The following LRRC4 variants were observed in gnomAD, a reference collection of about 807,000 sequenced individuals.
LRRC4 encodes the protein leucine rich repeat containing 4, also known as leucine-rich repeat-containing protein 4.
LRRC4 carries 11 observed loss-of-function variants against 37.9 expected under a neutral mutation model. The observed-to-expected ratio is 0.29, with a 90% CI of 0.18 to 0.48. The LOEUF is 0.48. Ranked by LOEUF, LRRC4 falls within the 20% of genes least tolerant of loss-of-function variation. LRRC4 has a pLI of 0.99. For synonymous variants in LRRC4, 404 were observed against 346.7 expected, an observed-to-expected ratio of 1.17 and a Z score of -1.84; for missense variants, 717 against 842.1, an observed-to-expected ratio of 0.85 and a Z score of 1.84.
Position 128,029,143 on chromosome 7 carries a change from C to T in LRRC4, c.1498G>A (p.Val500Met), listed in dbSNP as rs1563093886. 6.2e-7 allele frequency: 1 copy of T among 1,614,060 alleles called. No individual in the cohort carries two copies. The highest frequency in any genetic ancestry group is 2.2e-5 in the East Asian group (1 of 44,874). The change falls in exon 2 of 2, where the codon GTG becomes ATG. Residue 500 changes from valine to methionine, a missense_variant. By Grantham distance (21) the Val-to-Met change is conservative. This residue lies in a region of LRRC4 where 293 missense variants were observed against 268.3 expected (regional missense o/e 1.09). Coordinates refer to ENST00000249363, the MANE Select transcript of LRRC4 (RefSeq NM_022143.5). The surrounding 1 kb of genome is among the most constrained non-coding windows in gnomAD (Gnocchi z 4.2). ...GCGGGTACTGCCACCTGCTTGGGCA[C>T]ACGGGTAGTCTGAATGAGCACCGTG... ...STTVLIQTTRVPKQVAVPATD... is the reference protein window; with the variant it reads ...STTVLIQTTRMPKQVAVPATD...
rs1803505069 is a variant in LRRC4, at chr7:128,027,335, C to T, written c.*1344G>A. ...GAGGGGGCCTGGGAGAGGGAAGCTT[C>T]CCATCAGTGTGCTCCATTCAACAGT... On this transcript the variant is annotated 3_prime_UTR_variant, in exon 2 of 2. Coordinates refer to ENST00000249363, the MANE Select transcript of LRRC4 (RefSeq NM_022143.5). The T allele has an allele frequency of 6.8e-6, 1 of 147,420 alleles. No individual in the cohort carries two copies. The highest frequency in any genetic ancestry group is 2.2e-4 in the East Asian group (1 of 4,496). 9.1% of individuals were successfully genotyped at this position (147,420 alleles called of 1,614,324 possible). A position where few individuals can be genotyped will look rare whatever the true frequency, so the allele number is the denominator to read the frequency against.
In LRRC4 at chr7:128,030,765, C is replaced by A. The variant is rs1164532202; in HGVS notation, c.-100-25G>T. ...TCTGGAGAAGGAGGTGGGGAGGGGG[C>A]GATTAGAGAGACGGAGCGGATCGGC... On this transcript the variant is annotated intron_variant, in intron 1 of 1. Coordinates refer to ENST00000249363, the MANE Select transcript of LRRC4 (RefSeq NM_022143.5). The A allele has an allele frequency of 6.4e-6, 8 of 1,242,820 alleles. No individual in the cohort carries two copies. In the East Asian group the frequency reaches 2.0e-4, roughly 32 times the overall value. The allele number at this position is 1,242,820 out of a possible 1,614,324, so 77.0% of individuals were successfully genotyped here.
chr7:128,030,159 C>T lies in LRRC4; in HGVS notation c.482G>A (p.Ser161Asn). 1.2e-6 allele frequency: 2 copies of T among 1,614,236 alleles called. No homozygotes were observed. Among genetic ancestry groups the T allele is most frequent in the South Asian group, 1.1e-5 (1 of 91,086 alleles). ...CCGGTTGAAGGCGTAAGAGGGGATG[C>T]TTTCGATGGGGTTGTTGCGAAGCCA... ...ELWLRNNPIE[S>N]IPSYAFNRVP... Residue 161 changes from serine to asparagine, a missense_variant, in exon 2 of 2, where the codon AGC becomes AAC. Physicochemically the swap from Ser to Asn is conservative, Grantham distance 46 (BLOSUM62 1). Coordinates refer to ENST00000249363, the MANE Select transcript of LRRC4 (RefSeq NM_022143.5).
In LRRC4 at chr7:128,030,756, G is replaced by C; in HGVS notation, c.-100-16C>G. On this transcript the variant is annotated splice_polypyrimidine_tract_variant and intron_variant, in intron 1 of 1. Coordinates refer to ENST00000249363, the MANE Select transcript of LRRC4 (RefSeq NM_022143.5). ...CTCTTTCCATCTGGAGAAGGAGGTG[G>C]GGAGGGGGCGATTAGAGAGACGGAG... 7.6e-7 allele frequency: 1 copy of C among 1,310,834 alleles called. No homozygotes were observed. The highest frequency in any genetic ancestry group is 1.5e-5 in the African/African-American group (1 of 67,330). 81.2% of individuals were successfully genotyped at this position (1,310,834 alleles called of 1,614,324 possible). A position where few individuals can be genotyped will look rare whatever the true frequency, so the allele number is the denominator to read the frequency against.
In LRRC4 at chr7:128,028,485, T is replaced by A; in HGVS notation, c.*194A>T. ...AAGATTCCCCCCCACCCCCTTTAAA[T>A]AGAACTTACAAGTTAGAAAATATTT... On this transcript the variant is annotated 3_prime_UTR_variant, in exon 2 of 2. Transcript: ENST00000249363. 2.1e-5 allele frequency: 11 copies of A among 519,254 alleles called. No individual in the cohort carries two copies. The highest frequency in any genetic ancestry group is 3.6e-5 in the East Asian group (1 of 28,134). 32.2% of individuals were successfully genotyped at this position (519,254 alleles called of 1,614,324 possible).
In LRRC4 at chr7:128,028,917, A is replaced by C. The variant is rs1011503971; in HGVS notation, c.1724T>G (p.Ile575Ser). ...TGCTGCTGCGGATGTTGCTGCTGGGATGTCTTCGTCCACCTGGATTATCTC... is the reference window on the plus strand; with the variant it reads ...TGCTGCTGCGGATGTTGCTGCTGGGCTGTCTTCGTCCACCTGGATTATCTC... ...TVEIIQVDEDIPAATSAAATA... is the reference protein window; with the variant it reads ...TVEIIQVDEDSPAATSAAATA... Residue 575 changes from isoleucine to serine, a missense_variant, in exon 2 of 2, where the codon ATC becomes AGC. Physicochemically the swap from Ile to Ser is moderately radical, Grantham distance 142. Coordinates refer to ENST00000249363, the MANE Select transcript of LRRC4 (RefSeq NM_022143.5). The C allele has an allele frequency of 2.5e-6, 4 of 1,612,098 alleles. No homozygotes were observed. The highest frequency in any genetic ancestry group is 1.7e-6 in the Non-Finnish European group (2 of 1,178,854).
At position 128,029,302 on chromosome 7, in the gene LRRC4, T is replaced by G. The variant is rs1263070975; in HGVS notation, c.1339A>C (p.Asn447His). The G allele has an allele frequency of 3.1e-6, 5 of 1,614,116 alleles. No individual in the cohort carries two copies. Among genetic ancestry groups the G allele is most frequent in the Non-Finnish European group, 4.2e-6 (5 of 1,180,028 alleles). ...GTGAAGAAGCTGTAGTTGGAGGTGT[T>G]AAGCTCAGCCGTGCTCACATTGAGG... ...AYLNVSTAELNTSNYSFFTTV... is the reference protein window; with the variant it reads ...AYLNVSTAELHTSNYSFFTTV... The change falls in exon 2 of 2, where the codon AAC becomes CAC. Residue 447 changes from asparagine (N) to histidine (H), a missense_variant. Transcript: ENST00000249363. The surrounding 1 kb of genome is among the most constrained non-coding windows in gnomAD (Gnocchi z 4.2).
In LRRC4 at chr7:128,030,398, G is replaced by A; in HGVS notation, c.243C>T (p.Asn81=). The change falls in exon 2 of 2, where the codon AAC becomes AAT. Residue 81 remains asparagine (N), a synonymous_variant. Coordinates refer to ENST00000249363, the MANE Select transcript of LRRC4 (RefSeq NM_022143.5). ...TCATCTGGATGTTGTTCTCCATGAG[G>A]TTGAGGTACCGGGTGTTCGAGGGAA... ...QGIPSNTRYL[N]LMENNIQMIQ... 1.2e-6 allele frequency: 2 copies of A among 1,613,968 alleles called. 1 individual carries two copies. The highest frequency in any genetic ancestry group is 2.2e-5 in the South Asian group (2 of 91,090).
At position 128,029,268 on chromosome 7, in the gene LRRC4, G is replaced by C; in HGVS notation, c.1373C>G (p.Thr458Arg). 8 of 1,614,156 alleles carry C rather than the reference G, an allele frequency of 5.0e-6. No homozygotes were observed. The highest frequency in any genetic ancestry group is 6.8e-6 in the Non-Finnish European group (8 of 1,180,036). The change falls in exon 2 of 2, where the codon ACA (threonine) becomes AGA (arginine). Residue 458 changes from threonine (T) to arginine (R), a missense_variant. Physicochemically the swap from Thr to Arg is moderately conservative, Grantham distance 71 (BLOSUM62 -1). Coordinates refer to ENST00000249363, the MANE Select transcript of LRRC4 (RefSeq NM_022143.5). This position sits in a 1 kb window ranked among gnomAD's most constrained non-coding sequence, Gnocchi z 4.2. ...AGGCGAGATCTCCGTGGTCTCCACT[G>C]TTACTGTGGTGAAGAAGCTGTAGTT... ...TSNYSFFTTV[T>R]VETTEISPED...
At position 128,029,570 on chromosome 7, in the gene LRRC4, G is replaced by A. The variant is rs1017661160; in HGVS notation, c.1071C>T (p.Asp357=). The A allele has an allele frequency of 1.2e-5, 20 of 1,613,900 alleles. No homozygotes were observed. Among genetic ancestry groups the A allele is most frequent in the African/African-American group, 8.0e-5 (6 of 74,882 alleles). The change falls in exon 2 of 2, where the codon GAC becomes GAT. Residue 357 remains aspartate, a synonymous_variant. Coordinates refer to ENST00000249363, the MANE Select transcript of LRRC4 (RefSeq NM_022143.5). The surrounding 1 kb of genome is among the most constrained non-coding windows in gnomAD (Gnocchi z 4.2). The part of the protein sequence containing the change: ...SFQCSAPFIM[D]APRDLNISEG... ...CAGAAATGTTGAGGTCTCGAGGTGC[G>A]TCCATGATGAAGGGGGCAGAGCACT...
At chr7:128,031,561 G>C (rs1311468322), upstream of LRRC4, 1 of 150,866 alleles carries the variant, frequency 6.6e-6, no homozygotes, top group Non-Finnish European at 1.5e-5. Context: ...CGGGGGGTCA[G>C]TTCTCCAGTC....
In LRRC4 at chr7:128,029,840, T is replaced by G; in HGVS notation, c.801A>C (p.Ser267=). Reference sequence around the variant, plus strand: ...TGTGGGCCAAGTTGAGTTCCACAAGTGAAGCCAGCCCGTCAAAAGCATTCC... The same window carrying G: ...TGTGGGCCAAGTTGAGTTCCACAAGGGAAGCCAGCCCGTCAAAAGCATTCC... The part of the protein sequence containing the change: ...IERNAFDGLA[S]LVELNLAHNN... The change falls in exon 2 of 2, where the codon TCA becomes TCC. Residue 267 remains serine, a synonymous_variant. Transcript: ENST00000249363. The surrounding 1 kb of genome is among the most constrained non-coding windows in gnomAD (Gnocchi z 4.2). 6.2e-7 allele frequency: 1 copy of G among 1,613,532 alleles called. No individual in the cohort carries two copies. The highest frequency in any genetic ancestry group is 8.5e-7 in the Non-Finnish European group (1 of 1,180,018).
Position 128,028,543 on chromosome 7 carries a change from T to C in LRRC4, c.*136A>G, listed in dbSNP as rs1364453513. On this transcript the variant is annotated 3_prime_UTR_variant, in exon 2 of 2. Coordinates refer to ENST00000249363, the MANE Select transcript of LRRC4 (RefSeq NM_022143.5). ...GACTTTTTGTCTTTAAATTTTAATATAATCTGTTTTTTTTAACCAGCCCAT... is the reference window on the plus strand; with the variant it reads ...GACTTTTTGTCTTTAAATTTTAATACAATCTGTTTTTTTTAACCAGCCCAT... 12 of 801,946 alleles carry C rather than the reference T, an allele frequency of 1.5e-5. No individual in the cohort carries two copies. The highest frequency in any genetic ancestry group is 2.4e-5 in the South Asian group (1 of 41,462). The allele number at this position is 801,946 out of a possible 1,614,324, so 49.7% of individuals were successfully genotyped here.
chr7:128,030,439 C>A lies in LRRC4; in HGVS notation c.202G>T (p.Glu68Ter). The A allele has an allele frequency of 6.2e-7, 1 of 1,613,790 alleles. No individual in the cohort carries two copies. Among genetic ancestry groups the A allele is most frequent in the Non-Finnish European group, 8.5e-7 (1 of 1,180,030 alleles). Residue 68 changes from glutamate (E) to a stop codon, truncating the protein, a stop_gained, in exon 2 of 2, where the codon GAG becomes TAG. Coordinates refer to ENST00000249363, the MANE Select transcript of LRRC4 (RefSeq NM_022143.5). LOFTEE classifies it high-confidence loss of function. ...KVVCTRRGLSEVPQGIPSNTR... is the reference protein window; with the variant it reads ...KVVCTRRGLS ...TTCGAGGGAATACCCTGCGGGACCT[C>A]GGAGAGGCCCCGGCGCGTGCACACC...
rs1792597421 is a variant in LRRC4 at position 128,031,430 on chromosome 7, T to C, written c.-618A>G. 2 of 151,460 alleles carry C rather than the reference T, an allele frequency of 1.3e-5. No homozygotes were observed. Among genetic ancestry groups the C allele is most frequent in the Admixed American group, 1.3e-4 (2 of 15,234 alleles). 9.4% of individuals were successfully genotyped at this position (151,460 alleles called of 1,614,324 possible). On this transcript the variant is annotated 5_prime_UTR_variant, in exon 1 of 2. Transcript: ENST00000249363. ...GCCGCTCCGGGCCGGCGGCAGCTGA[T>C]TGCGGTCGTGAGCTCGCGGAGCGGC... is the stretch of plus-strand genomic sequence containing the variant.
In LRRC4 at chr7:128,028,761, A is replaced by G; in HGVS notation, c.1880T>C (p.Leu627Pro). Residue 627 changes from leucine (L) to proline (P), a missense_variant, in exon 2 of 2, where the codon CTG becomes CCG. Around this residue, in one of 5 missense-constraint regions of LRRC4, gnomAD observed 140 missense variants for 137.2 expected, o/e 1.02. Transcript: ENST00000249363. ...AGAGATAGTGGTGACTGTGGGGTGCAGAGAGTTCCCCAGGCTGTTTTCTGT... is the reference window on the plus strand; with the variant it reads ...AGAGATAGTGGTGACTGTGGGGTGCGGAGAGTTCCCCAGGCTGTTTTCTGT... ...HWTENSLGNS[L>P]HPTVTTISEP... The G allele has an allele frequency of 6.2e-7, 1 of 1,614,010 alleles. No homozygotes were observed.
Position 128,028,801 on chromosome 7 carries a change from GTGC to G in LRRC4, c.1837_1839del (p.Ala613del). 1 of 1,614,198 alleles carries G rather than the reference GTGC, an allele frequency of 6.2e-7. No homozygotes were observed. Among genetic ancestry groups the G allele is most frequent in the Non-Finnish European group, 8.5e-7 (1 of 1,180,038 alleles). On this transcript the variant is annotated inframe_deletion, in exon 2 of 2. Coordinates refer to ENST00000249363, the MANE Select transcript of LRRC4 (RefSeq NM_022143.5). ...CTGTTTTCTGTCCAGTGGGCCCCAT[GTGC>G]TGGTTTGTAGGTGTTGTAGTTAATA...
In LRRC4 at chr7:128,027,952, CCTT is replaced by C. The variant is rs1803527122; in HGVS notation, c.*724_*726del. On this transcript the variant is annotated 3_prime_UTR_variant, in exon 2 of 2. Transcript: ENST00000249363. ...GACTGAGAGCTACGCCAGCTCCCGT[CCTT>C]CTCTGCTCCTTTCTAAGCAATTCTG... is the stretch of plus-strand genomic sequence containing the variant. The C allele has an allele frequency of 6.6e-6, 1 of 152,542 alleles. No individual in the cohort carries two copies. Among genetic ancestry groups the C allele is most frequent in the African/African-American group, 2.4e-5 (1 of 41,454 alleles). 9.4% of individuals were successfully genotyped at this position (152,542 alleles called of 1,614,324 possible). A position where few individuals can be genotyped will look rare whatever the true frequency, so the allele number is the denominator to read the frequency against.
At position 128,029,474 on chromosome 7, in the gene LRRC4, C is replaced by T; in HGVS notation, c.1167G>A (p.Gly389=). The change falls in exon 2 of 2, where the codon GGG becomes GGA. Residue 389 remains glycine, a synonymous_variant. Coordinates refer to ENST00000249363, the MANE Select transcript of LRRC4 (RefSeq NM_022143.5). The surrounding 1 kb of genome is among the most constrained non-coding windows in gnomAD (Gnocchi z 4.2). ...GGCGGGAGGCGTGGCTGAGCACTGT[C>T]CCATTGGGCAGCAACCACTTCACGG... ...MSSVKWLLPN[G]TVLSHASRHP... is the part of the protein sequence containing the mutation. The T allele has an allele frequency of 1.9e-6, 3 of 1,614,144 alleles. No homozygotes were observed. Among genetic ancestry groups the T allele is most frequent in the Non-Finnish European group, 2.5e-6 (3 of 1,180,036 alleles).
Sources: allele counts gnomAD v4.1 joint callset, GRCh38; gene constraint gnomAD v4.1.1; regional missense constraint gnomAD v4.1.1; non-coding constraint Gnocchi (gnomAD v3.1); transcripts MANE v1.5; gene names NCBI Gene and HGNC (gene_info 2026-07-23, HGNC 2026-07-21).